Variants in THSD4 observed in about 807,000 individuals in gnomAD.
THSD4 encodes thrombospondin type-1 domain-containing protein 4.
Under a neutral mutation model 119.0 loss-of-function variants are expected in THSD4, and 69 were observed. The ratio of observed to expected loss-of-function variants is 0.58; its 90% CI spans 0.48 to 0.71. The LOEUF (loss-of-function observed/expected upper bound fraction) is 0.71. Among genes scored for constraint, THSD4 ranks in the 30% least tolerant of loss-of-function variants. The pLI, the probability that THSD4 is intolerant of heterozygous loss-of-function variation, is 0.00. For synonymous variants in THSD4, 524 were observed against 540.4 expected (o/e 0.97, Z 0.42); for missense variants, 1,393 against 1,391.1 (o/e 1.00, Z -0.02).
intron 7 of THSD4, among the ~76,000 whole-genome samples, chr15:71,546,440 C>T (rs2048839067): frequency 6.6e-6 from 1 of 152,116 alleles, no homozygotes; most frequent in Non-Finnish European, 1.5e-5. Context: ...TTAGGAAGAC[C>T]CTTTTCCCAG....
chr15:71,277,701 G>A (rs985818782), intron 6 of THSD4, among the ~76,000 whole-genome samples: 3 of 152,174 alleles, frequency 2.0e-5, no homozygotes, highest in African/African-American at 2.4e-5. Flanking sequence ...TCTGTTTAAC[G>A]TGGGAGACAT....
intron 7 of THSD4, among the ~76,000 whole-genome samples, chr15:71,579,608 G>T (rs2049520291): frequency 6.6e-6 from 1 of 152,190 alleles, no homozygotes; most frequent in South Asian, 2.1e-4. Context: ...CTTGAAGGGT[G>T]ATTCTACTCC....
rs528973503 is a variant in THSD4 at position 71,373,939 on chromosome 15, G to C, written c.1016-37748G>C. 5.9e-5 allele frequency among the ~76,000 whole-genome samples: 9 copies of C among 152,322 alleles called. No homozygotes were observed. The South Asian group carries it at 1.9e-3, about 32-fold the overall frequency. On this transcript the variant is annotated intron_variant, in intron 6 of 17. Transcript: ENST00000261862. ...TTAAAAATTCTGAAACTGCTTGTCTGCAATCAGTTGTAAAGTCACTAGGAC... is the reference window on the plus strand; with the variant it reads ...TTAAAAATTCTGAAACTGCTTGTCTCCAATCAGTTGTAAAGTCACTAGGAC...
At chr15:71,307,453 T>TG (rs1567189760) in intron 6 of THSD4, among the ~76,000 whole-genome samples, 1 of 152,156 alleles carries the variant, frequency 6.6e-6, no homozygotes, top group Non-Finnish European at 1.5e-5. Context: ...CCTTGATGAT[T>TG]TGCTAAAAGA....
At chr15:71,587,679 C>T (rs1353333169) in intron 7 of THSD4, among the ~76,000 whole-genome samples, 1 of 133,784 alleles carries the variant, frequency 7.5e-6, no homozygotes. Flanking sequence ...GGCTAGATGA[C>T]GAGTTAGTGG....
intron 7 of THSD4, among the ~76,000 whole-genome samples, chr15:71,544,760 G>A (rs2048812220): frequency 2.0e-5 from 3 of 152,196 alleles, no homozygotes; most frequent in Non-Finnish European, 4.4e-5. Context: ...CAATCCAAGT[G>A]TCCATTAACA....
At chr15:71,737,630 C>T (rs1031926946) in intron 10 of THSD4, 102 bp from the exon 11 acceptor site, 13 of 1,427,060 alleles carry the variant, frequency 9.1e-6, no homozygotes, top group East Asian at 5.0e-5. Context: ...GACTTAGAAA[C>T]GATCTCATGC....
At chr15:71,589,816 C>A (rs550725426) in intron 7 of THSD4, among the ~76,000 whole-genome samples, 1 of 138,732 alleles carries the variant, frequency 7.2e-6, no homozygotes. Context: ...TCCATCCCCA[C>A]GAGAATAGAT....
chr15:71,234,047 A>G (rs539618261), intron 4 of THSD4, among the ~76,000 whole-genome samples: 2 of 152,232 alleles, frequency 1.3e-5, no homozygotes, highest in South Asian at 2.1e-4. Context: ...AAATCTCTGC[A>G]TGTACCCTCC....
At chr15:71,345,022 G>T (rs1018315473) in intron 6 of THSD4, among the ~76,000 whole-genome samples, 1 of 152,076 alleles carries the variant, frequency 6.6e-6, no homozygotes, top group Non-Finnish European at 1.5e-5. Flanking sequence ...GGGCGAAAGA[G>T]TCACAGAGAA....
chr15:71,505,543 G>T (rs983160979), intron 7 of THSD4, among the ~76,000 whole-genome samples: 2 of 152,150 alleles, frequency 1.3e-5, no homozygotes, highest in African/African-American at 4.8e-5. Flanking sequence ...GATTAAAATA[G>T]CAAATGTAAA....
At chr15:71,457,185 C>G (rs1008694112) in intron 7 of THSD4, among the ~76,000 whole-genome samples, 1 of 152,028 alleles carries the variant, frequency 6.6e-6, no homozygotes, top group African/African-American at 2.4e-5. Flanking sequence ...AGTTCAAGAC[C>G]AGCCTGGGCA....
At chr15:71,546,591 G>A (rs1032930992) in intron 7 of THSD4, among the ~76,000 whole-genome samples, 3 of 152,246 alleles carry the variant, frequency 2.0e-5, no homozygotes, top group African/African-American at 7.2e-5. Flanking sequence ...TTGTTCCCAT[G>A]TTACCACCTA....
At chr15:71,523,140 C>T (rs778733961) in intron 7 of THSD4, among the ~76,000 whole-genome samples, 10 of 152,144 alleles carry the variant, frequency 6.6e-5, no homozygotes, top group Non-Finnish European at 1.0e-4. Context: ...CTGCTGTAAC[C>T]AATTACTACA....
intron 3 of THSD4, among the ~76,000 whole-genome samples, chr15:71,197,799 T>C (rs1365780057): frequency 6.6e-6 from 1 of 152,148 alleles, no homozygotes; most frequent in Non-Finnish European, 1.5e-5. Context: ...CTGCTGCCTG[T>C]CTGCCCCCTG....
rs1313306512 is a variant in THSD4, at chr15:71,589,401, G to A, written c.1153-71129G>A. ...GAGACAGAGTCTCACTGTCATTCAGGCTGGAGTGCAGGAGCACAATAATGG... is the reference window on the plus strand; with the variant it reads ...GAGACAGAGTCTCACTGTCATTCAGACTGGAGTGCAGGAGCACAATAATGG... On this transcript the variant is annotated intron_variant, in intron 7 of 17. Coordinates refer to ENST00000261862, the MANE Select transcript of THSD4 (RefSeq NM_024817.3). Among the ~76,000 whole-genome samples, 3 of 137,536 alleles carry A rather than the reference G, an allele frequency of 2.2e-5. 1 individual carries two copies. The highest frequency in any genetic ancestry group is 7.6e-5 in the African/African-American group (3 of 39,474). The allele number at this position is 137,536 out of a possible 152,430, so 90.2% of individuals were successfully genotyped here.
chr15:71,748,158 C>T (rs1484592314), intron 13 of THSD4, among the ~76,000 whole-genome samples: 1 of 152,106 alleles, frequency 6.6e-6, no homozygotes, highest in Admixed American at 6.6e-5. Context: ...CTGGGGGTCT[C>T]CTTGGCCAAG....
intron 8 of THSD4, among the ~76,000 whole-genome samples, chr15:71,726,311 A>C (rs1056654575): frequency 6.6e-6 from 1 of 152,186 alleles, no homozygotes; most frequent in Non-Finnish European, 1.5e-5. Context: ...CCCTCTGTGC[A>C]GTTTCTGATT....
At chr15:71,729,535 C>T (rs758361518) in intron 9 of THSD4, 5 of 152,130 alleles carry the variant, frequency 3.3e-5, no homozygotes, top group African/African-American at 7.2e-5. Context: ...CATTACTTCT[C>T]CACCTACACA....
Sources: allele counts gnomAD v4.1 joint callset (sites outside exome capture counted in the v4.1 genomes callset), GRCh38; gene constraint gnomAD v4.1.1; transcripts MANE v1.5; gene names NCBI Gene and HGNC (gene_info 2026-07-23, HGNC 2026-07-21).